TBC1D5: variants seen among roughly 807,000 people sequenced by gnomAD.
TBC1D5 encodes TBC1 domain family member 5, also known as TBC1 domain family, member 5.
A neutral mutation model predicts 100.3 loss-of-function variants in TBC1D5; 75 were observed. The ratio of observed to expected loss-of-function variants is 0.75; its 90% CI spans 0.62 to 0.91. The LOEUF is 0.91. TBC1D5 is among the 40% of genes least tolerant of loss of function. The probability of loss-of-function intolerance (pLI) is 0.00; values close to 1 mark genes in which losing one functional copy is unlikely to be tolerated. For synonymous variants in TBC1D5, 323 were observed against 325.6 expected (o/e 0.99, Z 0.09); for missense variants, 910 against 942.4 (o/e 0.97, Z 0.45).
chr3:17,250,350 G>C (rs890116099), intron 16 of TBC1D5, among the ~76,000 whole-genome samples: 1 of 152,178 alleles, frequency 6.6e-6, no homozygotes, highest in Non-Finnish European at 1.5e-5. Context: ...ACAGCACCCA[G>C]ATTAATTTAA....
chr3:17,374,818 T>A (rs2092635820), intron 10 of TBC1D5, 139 bp from the exon 11 acceptor site: 1 of 781,856 alleles, frequency 1.3e-6, no homozygotes, highest in Non-Finnish European at 2.0e-6. Flanking sequence ...AAAAGAGCAA[T>A]GCCATTAACA....
At chr3:17,740,136 G>C (rs1052346570) in exon 1 of TBC1D5, 2 of 151,964 alleles carry the variant, frequency 1.3e-5, no homozygotes, top group Non-Finnish European at 2.9e-5. Flanking sequence ...CCAACATGGT[G>C]AAACTCCTCC....
chr3:17,347,468 C>T (rs1465795956), intron 13 of TBC1D5, among the ~76,000 whole-genome samples: 1 of 151,958 alleles, frequency 6.6e-6, no homozygotes, highest in Non-Finnish European at 1.5e-5. Flanking sequence ...CTAACTATAG[C>T]AATTTTTCTC....
chr3:17,366,833 A>C (rs1474425910), intron 13 of TBC1D5, among the ~76,000 whole-genome samples: 1 of 152,178 alleles, frequency 6.6e-6, no homozygotes, highest in East Asian at 1.9e-4. Flanking sequence ...TTTTAAAATT[A>C]TATCAATAAT....
At chr3:17,185,872 T>C (rs1294433015) in intron 18 of TBC1D5, among the ~76,000 whole-genome samples, 3 of 152,018 alleles carry the variant, frequency 2.0e-5, no homozygotes, top group East Asian at 1.9e-4. Flanking sequence ...TGTTTGTTTC[T>C]AGGAAAAAGT....
intron 1 of TBC1D5, among the ~76,000 whole-genome samples, chr3:17,689,249 C>G (rs1455827091): frequency 1.3e-5 from 2 of 152,070 alleles, no homozygotes; most frequent in African/African-American, 4.8e-5. Flanking sequence ...GTTAGACACT[C>G]ACAACAAAGT....
chr3:17,287,470 A>G (rs1393095085), intron 15 of TBC1D5, among the ~76,000 whole-genome samples: 2 of 152,206 alleles, frequency 1.3e-5, no homozygotes, highest in African/African-American at 4.8e-5. Flanking sequence ...GAATCCGAGG[A>G]GGGAATGAAT....
intron 1 of TBC1D5, among the ~76,000 whole-genome samples, chr3:17,687,104 A>T (rs1055186693): frequency 6.6e-6 from 1 of 152,040 alleles, no homozygotes; most frequent in Non-Finnish European, 1.5e-5. Flanking sequence ...TTTCTGCTCC[A>T]TTTTTCTCTA....
intron 2 of TBC1D5, among the ~76,000 whole-genome samples, chr3:17,572,930 T>TTA (rs1418860491): frequency 1.3e-5 from 2 of 152,122 alleles, no homozygotes; most frequent in Admixed American, 1.3e-4. Context: ...TCAAATACAC[T>TTA]TATTCATCTT....
chr3:17,533,984 C>G (rs1335424011), intron 2 of TBC1D5, among the ~76,000 whole-genome samples: 1 of 152,048 alleles, frequency 6.6e-6, no homozygotes, highest in East Asian at 1.9e-4. Flanking sequence ...ACCTATATAA[C>G]CAAGTCCAGC....
chr3:17,564,062 A>G (rs113834739), intron 2 of TBC1D5, among the ~76,000 whole-genome samples: 10,539 of 152,246 alleles, frequency 0.069, 842 homozygotes, highest in African/African-American at 0.2. Context: ...GATTACAGGC[A>G]TGAGCCACCG....
At chr3:17,218,770 C>T (rs1407469177) in intron 17 of TBC1D5, among the ~76,000 whole-genome samples, 1 of 152,002 alleles carries the variant, frequency 6.6e-6, no homozygotes, top group African/African-American at 2.4e-5. Context: ...GAGAAGTCAG[C>T]TGTCAATCTT....
At chr3:17,334,718 A>T (rs1470223110) in intron 13 of TBC1D5, among the ~76,000 whole-genome samples, 1 of 152,118 alleles carries the variant, frequency 6.6e-6, no homozygotes, top group African/African-American at 2.4e-5. Flanking sequence ...TCACTTCAAG[A>T]CCTAGTTAAA....
At chr3:17,281,324 GA>G (rs1164776606) in intron 15 of TBC1D5, among the ~76,000 whole-genome samples, 1 of 152,006 alleles carries the variant, frequency 6.6e-6, no homozygotes, top group African/African-American at 2.4e-5. Context: ...TTTAAAACCA[GA>G]AAAAAACAAC....
intron 17 of TBC1D5, among the ~76,000 whole-genome samples, chr3:17,219,257 C>G (rs555930348): frequency 8.6e-5 from 13 of 151,916 alleles, no homozygotes; most frequent in Non-Finnish European, 1.5e-4. Flanking sequence ...ATTTAATTCT[C>G]TTTTTATAAA....
At chr3:17,395,073 G>A (rs1195268006) in intron 8 of TBC1D5, among the ~76,000 whole-genome samples, 1 of 152,050 alleles carries the variant, frequency 6.6e-6, no homozygotes, top group Non-Finnish European at 1.5e-5. Context: ...CAGTTGAGAA[G>A]ATTAAGCAAA....
intron 15 of TBC1D5, among the ~76,000 whole-genome samples, chr3:17,281,025 A>G (rs1226171529): frequency 6.6e-6 from 1 of 152,218 alleles, no homozygotes; most frequent in Non-Finnish European, 1.5e-5. Flanking sequence ...TGAGTGCAAC[A>G]GGTTCAAGTG....
At chr3:17,367,295 A>G (rs188189140) in intron 13 of TBC1D5, among the ~76,000 whole-genome samples, 31 of 152,330 alleles carry the variant, frequency 2.0e-4, no homozygotes, top group Admixed American at 2.6e-4. Flanking sequence ...AACTCACAAC[A>G]TGATGTGTGA....
chr3:17,626,164 T>A (rs1042023140), intron 1 of TBC1D5, among the ~76,000 whole-genome samples: 36 of 152,192 alleles, frequency 2.4e-4, no homozygotes, highest in African/African-American at 8.4e-4. Flanking sequence ...TAAATACCAA[T>A]GACAGCAGAG....
Sources: gnomAD v4.1 joint callset for allele counts (sites outside exome capture counted in the v4.1 genomes callset) on GRCh38, gnomAD v4.1.1 for gene constraint, MANE v1.5 for transcripts, NCBI Gene and HGNC (gene_info 2026-07-23, HGNC 2026-07-21) for gene names.